Variants in TRAPPC10 observed in about 807,000 individuals in gnomAD.
The protein encoded by TRAPPC10 is trafficking protein particle complex subunit 10, also known as TRAPP 130 kDa subunit.
A neutral mutation model predicts 125.5 loss-of-function variants in TRAPPC10; 23 were observed. The observed-to-expected ratio is 0.18, with a 90% CI of 0.13 to 0.26. The LOEUF (loss-of-function observed/expected upper bound fraction) is 0.26. TRAPPC10 is among the 10% of genes least tolerant of loss of function. TRAPPC10 has a pLI of 1.00. For synonymous variants in TRAPPC10, 509 were observed against 518.0 expected (o/e 0.98, Z 0.24); for missense variants, 1,123 against 1,308.4 (o/e 0.86, Z 2.19).
chr21:44,043,209 CTT>C (rs34708259), intron 3 of TRAPPC10, among the ~76,000 whole-genome samples: 3,166 of 94,152 alleles, frequency 0.034, 63 homozygotes, highest in African/African-American at 0.088. Context: ...AATTATTACG[CTT>C]TTTTTTTTTT....
At chr21:44,080,566 C>T (rs1915067868) in intron 13 of TRAPPC10, among the ~76,000 whole-genome samples, 1 of 150,714 alleles carries the variant, frequency 6.6e-6, no homozygotes, top group African/African-American at 2.5e-5. Context: ...GAGACAGAGT[C>T]TCGCTCTGTT....
chr21:44,036,446 G>A (rs922365570), intron 2 of TRAPPC10, among the ~76,000 whole-genome samples: 10 of 152,212 alleles, frequency 6.6e-5, no homozygotes, highest in Non-Finnish European at 1.2e-4. Flanking sequence ...TGGCCGTGTG[G>A]GGGCCAGGAT....
At chr21:44,074,182 C>G (rs1055111643) in intron 7 of TRAPPC10, 142 bp from the exon 8 acceptor site, 2 of 923,798 alleles carry the variant, frequency 2.2e-6, no homozygotes, top group Non-Finnish European at 3.3e-6. Flanking sequence ...TCTCCTGTAG[C>G]TCTGCATATC....
intron 5 of TRAPPC10, among the ~76,000 whole-genome samples, chr21:44,057,910 A>T (rs934026456): frequency 1.3e-5 from 2 of 152,202 alleles, no homozygotes; most frequent in Non-Finnish European, 2.9e-5. Context: ...GGGGAGGTTT[A>T]TGTGCGTGCA....
intron 1 of TRAPPC10, among the ~76,000 whole-genome samples, 174 bp from the exon 2 acceptor site, chr21:44,031,917 C>T (rs377047869): frequency 3.9e-5 from 6 of 152,282 alleles, no homozygotes; most frequent in Admixed American, 1.3e-4. Flanking sequence ...ACATCTGTCC[C>T]GTGCTGGGTT....
At chr21:44,014,933 A>G (rs1466654940) in intron 1 of TRAPPC10, among the ~76,000 whole-genome samples, 1 of 152,182 alleles carries the variant, frequency 6.6e-6, no homozygotes, top group Non-Finnish European at 1.5e-5. Context: ...TCTGGGACTG[A>G]AGCTTTAGGA....
At chr21:44,079,873 C>A in intron 12 of TRAPPC10, 142 bp from the exon 13 acceptor site, 2 of 1,062,184 alleles carry the variant, frequency 1.9e-6, no homozygotes, top group South Asian at 1.6e-5. Flanking sequence ...TTTTTATAAT[C>A]TAATTTTGAG....
intron 3 of TRAPPC10, 130 bp from the exon 4 acceptor site, chr21:44,052,150 A>AT: frequency 1.3e-6 from 1 of 786,876 alleles, no homozygotes; most frequent in Admixed American, 3.2e-5. Flanking sequence ...TTTTTATTCA[A>AT]TTTAAGTCCC....
Position 44,012,451 on chromosome 21 carries a change from GC to G in TRAPPC10, c.-40del. On this transcript the variant is annotated 5_prime_UTR_variant, in exon 1 of 23. Transcript: ENST00000291574. ...CTGGGCCCGGCGCGGCCTCGGGGCT[GC>G]CCATGGGGCGCGGGGGGCCGGGCCG... 1 of 1,369,356 alleles carries G rather than the reference GC, an allele frequency of 7.3e-7. No individual in the cohort carries two copies. The allele number at this position is 1,369,356 out of a possible 1,614,324, so 84.8% of individuals were successfully genotyped here.
At chr21:44,021,966 G>A (rs1475013457) in intron 1 of TRAPPC10, among the ~76,000 whole-genome samples, 1 of 151,678 alleles carries the variant, frequency 6.6e-6, no homozygotes, top group Non-Finnish European at 1.5e-5. Context: ...CTTTCTTAGG[G>A]TCTTTTCAGA....
chr21:44,072,251 T>G (rs1409641873), intron 7 of TRAPPC10, among the ~76,000 whole-genome samples: 1 of 151,952 alleles, frequency 6.6e-6, no homozygotes, highest in Admixed American at 6.6e-5. Flanking sequence ...GCCTCAGCTC[T>G]CGGCTGCTGC....
chr21:44,058,967 G>A (rs182325681), intron 5 of TRAPPC10, 136 bp from the exon 6 acceptor site: 1 of 593,410 alleles, frequency 1.7e-6, no homozygotes, highest in Admixed American at 3.5e-5. Flanking sequence ...TCGTCACATT[G>A]GTTGTTACTT....
At chr21:44,045,180 G>A (rs148297317) in intron 3 of TRAPPC10, among the ~76,000 whole-genome samples, 10,825 of 152,076 alleles carry the variant, frequency 0.071, 490 homozygotes, top group Middle Eastern at 0.1. Flanking sequence ...TGATCCGCCC[G>A]CCTCTGCCTC....
intron 11 of TRAPPC10, 84 bp downstream of exon 11, chr21:44,077,868 G>T: frequency 9.5e-7 from 1 of 1,051,048 alleles, no homozygotes. Flanking sequence ...AGTATAAAGT[G>T]CACATAAATT....
chr21:44,032,540 A>T (rs951164216), intron 2 of TRAPPC10, among the ~76,000 whole-genome samples: 2 of 151,662 alleles, frequency 1.3e-5, no homozygotes, highest in African/African-American at 4.8e-5. Context: ...GCGCTACCGC[A>T]CCCGGCTAAT....
At chr21:44,079,278 C>G (rs1369539723) in intron 11 of TRAPPC10, among the ~76,000 whole-genome samples, 6 of 152,264 alleles carry the variant, frequency 3.9e-5, no homozygotes, top group African/African-American at 1.4e-4. Flanking sequence ...TCCTGAGATT[C>G]AGCTATGAAA....
intron 7 of TRAPPC10, among the ~76,000 whole-genome samples, chr21:44,069,186 G>C (rs1018507030): frequency 6.6e-6 from 1 of 152,136 alleles, no homozygotes; most frequent in Non-Finnish European, 1.5e-5. Flanking sequence ...ATTAGACTAC[G>C]TAAACATCAG....
At chr21:44,069,647 G>C (rs1168416757) in intron 7 of TRAPPC10, among the ~76,000 whole-genome samples, 2 of 152,030 alleles carry the variant, frequency 1.3e-5, no homozygotes, top group South Asian at 2.1e-4. Context: ...ATCCACCCCT[G>C]GTGTGTACAG....
At chr21:44,048,636 G>A (rs962353327) in intron 3 of TRAPPC10, among the ~76,000 whole-genome samples, 11 of 152,002 alleles carry the variant, frequency 7.2e-5, no homozygotes, top group African/African-American at 2.4e-4. Flanking sequence ...TGGGATTACA[G>A]GTGCACGCTA....
Sources: allele counts gnomAD v4.1 joint callset (sites outside exome capture counted in the v4.1 genomes callset), GRCh38; gene constraint gnomAD v4.1.1; transcripts MANE v1.5; gene names NCBI Gene and HGNC (gene_info 2026-07-23, HGNC 2026-07-21).